TNKS: variants seen among roughly 807,000 people sequenced by gnomAD.
TNKS encodes poly [ADP-ribose] polymerase tankyrase-1.
Under a neutral mutation model 135.8 loss-of-function variants are expected in TNKS, and 72 were observed. That is an observed-to-expected ratio of 0.53 (90% CI 0.44 to 0.64). The LOEUF (loss-of-function observed/expected upper bound fraction) is 0.64, where lower values mean the gene tolerates loss of function less well. Ranked by LOEUF, TNKS falls within the 30% of genes least tolerant of loss-of-function variation. The pLI is 0.00. For missense variants in TNKS, 1,769 were observed against 1,674.0 expected (o/e 1.06, Z -0.99); for synonymous variants, 849 against 649.3 (o/e 1.31, Z -4.68).
chr8:9,694,877 G>T (rs1803442344), intron 5 of TNKS, among the ~76,000 whole-genome samples: 1 of 151,812 alleles, frequency 6.6e-6, no homozygotes, highest in Non-Finnish European at 1.5e-5. Context: ...AATAATAATA[G>T]TCCTAAGAAA....
At chr8:9,680,078 T>G in intron 4 of TNKS, 91 bp downstream of exon 4, 9 of 887,136 alleles carry the variant, frequency 1.0e-5, no homozygotes, top group Non-Finnish European at 1.7e-5. Flanking sequence ...TATAACGTTA[T>G]TGTCTTGCTT....
chr8:9,643,803 G>A (rs1037565688), intron 3 of TNKS, among the ~76,000 whole-genome samples: 5 of 152,148 alleles, frequency 3.3e-5, no homozygotes, highest in Admixed American at 2.6e-4. Context: ...GCAGGGGCTT[G>A]AAGTGATATT....
intron 3 of TNKS, among the ~76,000 whole-genome samples, chr8:9,675,325 C>T (rs568297265): frequency 5.9e-5 from 9 of 152,294 alleles, no homozygotes; most frequent in African/African-American, 2.2e-4. Flanking sequence ...GATGAGAAAA[C>T]ATCTATATCA....
intron 21 of TNKS, 97 bp from the exon 22 acceptor site, chr8:9,763,050 T>G: frequency 1.9e-6 from 1 of 539,042 alleles, no homozygotes. Context: ...AAAACCTCAA[T>G]TACTTATTAT....
At chr8:9,559,745 A>G (rs772548481) in intron 1 of TNKS, among the ~76,000 whole-genome samples, 1 of 152,140 alleles carries the variant, frequency 6.6e-6, no homozygotes, top group Non-Finnish European at 1.5e-5. Flanking sequence ...GTGGTATGAA[A>G]CCATATTTAA....
intron 3 of TNKS, among the ~76,000 whole-genome samples, chr8:9,663,618 A>C (rs1488189249): frequency 6.6e-6 from 1 of 152,208 alleles, no homozygotes. Flanking sequence ...ACTCGCTAGT[A>C]GTAGGTTGTC....
intron 2 of TNKS, among the ~76,000 whole-genome samples, chr8:9,596,098 G>C (rs1046272374): frequency 1.1e-4 from 17 of 152,028 alleles, no homozygotes; most frequent in African/African-American, 4.1e-4. Flanking sequence ...GTGACAGAGG[G>C]GACCCTGTCT....
chr8:9,556,581 C>A lies in TNKS; in HGVS notation c.642C>A (p.Gly214=), dbSNP rs149276600. Residue 214 remains glycine (G), a synonymous_variant, in exon 1 of 27, where the codon GGC becomes GGA. Coordinates refer to ENST00000310430, the MANE Select transcript of TNKS (RefSeq NM_003747.3). The part of the protein sequence containing the change: ...AANVNAKDMA[G]RKSSPLHFAA... ...ACGTAAATGCAAAGGACATGGCCGG[C>A]CGGAAGTCTTCTCCCCTGCACTTCG... 4.8e-5 allele frequency: 77 copies of A among 1,613,784 alleles called. No homozygotes were observed. The African/African-American group carries it at 8.8e-4, about 18-fold the overall frequency.
chr8:9,611,853 G>T (rs568723347), intron 2 of TNKS, among the ~76,000 whole-genome samples: 1 of 152,080 alleles, frequency 6.6e-6, no homozygotes. Flanking sequence ...CAGTGCTCCT[G>T]GTCTCAACTT....
intron 3 of TNKS, among the ~76,000 whole-genome samples, chr8:9,677,495 T>A (rs1317897539): frequency 6.6e-6 from 1 of 152,186 alleles, no homozygotes; most frequent in African/African-American, 2.4e-5. Flanking sequence ...CGACTTAAAT[T>A]TCAATAGTAG....
intron 5 of TNKS, among the ~76,000 whole-genome samples, chr8:9,685,629 A>G (rs998009330): frequency 3.3e-5 from 5 of 152,210 alleles, no homozygotes; most frequent in Non-Finnish European, 7.3e-5. Flanking sequence ...CTTGTAATCT[A>G]TAAAGCATAT....
At chr8:9,741,654 C>G (rs1467849822) in intron 17 of TNKS, 1 of 492,200 alleles carries the variant, frequency 2.0e-6, no homozygotes, top group African/African-American at 2.0e-5. Flanking sequence ...ACCTTTTGAT[C>G]CCCATCAGTT....
chr8:9,675,708 C>T (rs1000213736), intron 3 of TNKS, among the ~76,000 whole-genome samples: 1 of 152,104 alleles, frequency 6.6e-6, no homozygotes, highest in African/African-American at 2.4e-5. Flanking sequence ...ATTTGTTACT[C>T]TCTCCTTTTG....
intron 3 of TNKS, among the ~76,000 whole-genome samples, chr8:9,643,847 G>A (rs867318831): frequency 1.1e-4 from 16 of 152,200 alleles, no homozygotes; most frequent in African/African-American, 3.1e-4. Context: ...AGCATTTGCA[G>A]TAACCAGTAG....
At chr8:9,706,050 C>A (rs1240078349) in intron 6 of TNKS, 137 bp from the exon 7 acceptor site, 3 of 478,998 alleles carry the variant, frequency 6.3e-6, no homozygotes. Context: ...GCTTTGAATT[C>A]TTTTATTATT....
At chr8:9,652,845 T>G (rs1801195877) in intron 3 of TNKS, among the ~76,000 whole-genome samples, 1 of 152,186 alleles carries the variant, frequency 6.6e-6, no homozygotes, top group Non-Finnish European at 1.5e-5. Context: ...AGATAAATAT[T>G]ATCTTCTCTT....
In TNKS at chr8:9,752,604, G is replaced by A. The variant is rs758094602; in HGVS notation, c.3131G>A (p.Arg1044Gln). 5.0e-6 allele frequency: 8 copies of A among 1,612,124 alleles called. No homozygotes were observed. Among genetic ancestry groups the A allele is most frequent in the East Asian group, 2.2e-5 (1 of 44,806 alleles). Reference protein sequence around the residue: ...FLKSLGLEHLRDIFETEQITL... With the variant: ...FLKSLGLEHLQDIFETEQITL... ...AAAAGCCTTGGCCTTGAACACCTTC[G>A]GGATATCTTTGAAACAGAACAGGTA... The change falls in exon 20 of 27, where the codon CGG becomes CAG. Residue 1044 changes from arginine to glutamine, a missense_variant. Transcript: ENST00000310430.
chr8:9,740,569 A>G lies in TNKS; in HGVS notation c.2643+5083A>G, dbSNP rs1180669079. 9.2e-5 allele frequency among the ~76,000 whole-genome samples: 14 copies of G among 152,330 alleles called. No individual in the cohort carries two copies. In the East Asian group the frequency reaches 1.7e-3, roughly 19 times the overall value. On this transcript the variant is annotated intron_variant, in intron 17 of 26. Coordinates refer to ENST00000310430, the MANE Select transcript of TNKS (RefSeq NM_003747.3). ...CAATCCGGTTTTTTGAAAGAAAACTATGCTTCCAAGTATGATATAAATTAA... is the reference window on the plus strand; with the variant it reads ...CAATCCGGTTTTTTGAAAGAAAACTGTGCTTCCAAGTATGATATAAATTAA...
rs1002551232 is a variant in TNKS, at chr8:9,706,094, G to T, written c.1203-93G>T. 3.1e-5 allele frequency: 23 copies of T among 753,262 alleles called. No individual in the cohort carries two copies. In the South Asian group the frequency reaches 4.5e-4, roughly 15 times the overall value. The allele number at this position is 753,262 out of a possible 1,614,324, so 46.7% of individuals were successfully genotyped here. On this transcript the variant is annotated intron_variant, in intron 6 of 26. Coordinates refer to ENST00000310430, the MANE Select transcript of TNKS (RefSeq NM_003747.3). Reference sequence around the variant, plus strand: ...TACTTTTAAATATTTTAAAATAATTGTATTGGGATTTATTGGATTTTATTT... The same window carrying T: ...TACTTTTAAATATTTTAAAATAATTTTATTGGGATTTATTGGATTTTATTT...
Sources: allele counts gnomAD v4.1 joint callset (sites outside exome capture counted in the v4.1 genomes callset), GRCh38; gene constraint gnomAD v4.1.1; transcripts MANE v1.5; gene names NCBI Gene and HGNC (gene_info 2026-07-23, HGNC 2026-07-21).